Variants in SYNJ2 observed in about 807,000 individuals in gnomAD.
The protein encoded by SYNJ2 is synaptojanin 2.
Under a neutral mutation model 141.3 loss-of-function variants are expected in SYNJ2, and 116 were observed. That is an observed-to-expected ratio of 0.82 (90% CI 0.71 to 0.96). SYNJ2 has a LOEUF of 0.96. SYNJ2 is among the 40% of genes least tolerant of loss of function. The pLI is 0.00. For synonymous variants in SYNJ2, 745 were observed against 777.7 expected (o/e 0.96, Z 0.70); for missense variants, 1,873 against 1,934.8 (o/e 0.97, Z 0.60).
rs748078776 is a variant in SYNJ2, at chr6:158,064,818, C to T, written c.1360-8C>T. The T allele has an allele frequency of 1.9e-6, 3 of 1,608,764 alleles. No individual in the cohort carries two copies. Among genetic ancestry groups the T allele is most frequent in the East Asian group, 2.2e-5 (1 of 44,734 alleles). On this transcript the variant is annotated splice_polypyrimidine_tract_variant and splice_region_variant and intron_variant, in intron 10 of 26. Transcript: ENST00000355585. ...CCCCTCACGGCCTGCGGTCTGGGCT[C>T]TCGGCAGGTGGGGAAGCTGAAGGAT...
intron 1 of SYNJ2, among the ~76,000 whole-genome samples, chr6:157,997,313 T>C (rs778063320): frequency 6.6e-6 from 1 of 152,110 alleles, no homozygotes; most frequent in African/African-American, 2.4e-5. Context: ...GCAGATGCAA[T>C]GAAGATGTAA....
chr6:158,057,494 C>T (rs1002165699), intron 6 of SYNJ2, among the ~76,000 whole-genome samples: 4 of 152,224 alleles, frequency 2.6e-5, no homozygotes, highest in African/African-American at 9.6e-5. Context: ...GTCCTCCTCG[C>T]CATTCTCCGC....
chr6:158,064,601 G>C lies in SYNJ2; in HGVS notation c.1210G>C (p.Val404Leu). 6.2e-7 allele frequency: 1 copy of C among 1,613,622 alleles called. No individual in the cohort carries two copies. Among genetic ancestry groups the C allele is most frequent in the African/African-American group, 1.3e-5 (1 of 75,048 alleles). Residue 404 changes from valine to leucine, a missense_variant and splice_region_variant, in exon 10 of 27, where the codon GTC becomes CTC. Coordinates refer to ENST00000355585, the MANE Select transcript of SYNJ2 (RefSeq NM_003898.4). Reference sequence around the variant, plus strand: ...ACAGCCATCCCTTATTCCTCCCCAGGTCCTGCATCTGCAGCTCAAGACCCT... The same window carrying C: ...ACAGCCATCCCTTATTCCTCCCCAGCTCCTGCATCTGCAGCTCAAGACCCT... ...NTVQSFIALEVLHLQLKTLGL... is the reference protein window; with the variant it reads ...NTVQSFIALELLHLQLKTLGL...
chr6:158,092,996 A>G lies in SYNJ2; in HGVS notation c.3636A>G (p.Thr1212=). ...AAGCATCCTCTGAACCAGAGCCCAC[A>G]CCGGGGGCAGCCAAACCAGAGACCC... ...DLEASSEPEP[T]PGAAKPETPQ... Residue 1212 remains threonine, a synonymous_variant, in exon 26 of 27, where the codon ACA becomes ACG. Coordinates refer to ENST00000355585, the MANE Select transcript of SYNJ2 (RefSeq NM_003898.4). 1.2e-6 allele frequency: 2 copies of G among 1,613,266 alleles called. No individual in the cohort carries two copies. Among genetic ancestry groups the G allele is most frequent in the African/African-American group, 1.3e-5 (1 of 74,890 alleles).
chr6:158,001,337 C>G (rs931742769), intron 1 of SYNJ2: 15 of 152,010 alleles, frequency 9.9e-5, no homozygotes, highest in African/African-American at 3.4e-4. Flanking sequence ...CCCCCTCACA[C>G]CTGATGATTT....
At chr6:158,090,888 T>C (rs1469306101) in intron 25 of SYNJ2, among the ~76,000 whole-genome samples, 3 of 152,128 alleles carry the variant, frequency 2.0e-5, no homozygotes, top group Non-Finnish European at 4.4e-5. Flanking sequence ...CATTGCTTAA[T>C]TTGCTTTTAG....
intron 5 of SYNJ2, among the ~76,000 whole-genome samples, chr6:158,049,994 G>A (rs1189903614): frequency 2.0e-5 from 3 of 151,606 alleles, no homozygotes; most frequent in Non-Finnish European, 2.9e-5. Context: ...GTGTGCACCC[G>A]GCTCTGCAGG....
At chr6:158,052,796 A>G (rs1780642051) in intron 5 of SYNJ2, among the ~76,000 whole-genome samples, 1 of 152,046 alleles carries the variant, frequency 6.6e-6, no homozygotes, top group Admixed American at 6.5e-5. Context: ...GTGTCTCTTT[A>G]CTTAAGTGCA....
intron 1 of SYNJ2, among the ~76,000 whole-genome samples, chr6:158,004,554 G>A (rs1205064046): frequency 6.6e-6 from 1 of 152,150 alleles, no homozygotes; most frequent in Non-Finnish European, 1.5e-5. Flanking sequence ...TCCCAGAAAT[G>A]AATAATCCAC....
At chr6:158,082,261 G>T (rs1782740280) in intron 20 of SYNJ2, among the ~76,000 whole-genome samples, 1 of 151,778 alleles carries the variant, frequency 6.6e-6, no homozygotes, top group African/African-American at 2.4e-5. Flanking sequence ...GGCTGAGGCG[G>T]GCAAATCATG....
At chr6:158,072,065 C>T (rs930665050) in intron 15 of SYNJ2, among the ~76,000 whole-genome samples, 8 of 152,326 alleles carry the variant, frequency 5.3e-5, no homozygotes, top group East Asian at 1.9e-4. Flanking sequence ...TGTATGTGTG[C>T]ATTTTCTGAT....
At chr6:158,058,111 G>A (rs566919904) in intron 6 of SYNJ2, among the ~76,000 whole-genome samples, 17 of 152,032 alleles carry the variant, frequency 1.1e-4, no homozygotes, top group East Asian at 3.9e-4. Flanking sequence ...AAAAAATTCC[G>A]CTCATAAACG....
At chr6:158,056,653 G>A (rs146215659) in intron 6 of SYNJ2, among the ~76,000 whole-genome samples, 1 of 152,284 alleles carries the variant, frequency 6.6e-6, no homozygotes, top group East Asian at 1.9e-4. Context: ...CCAGGTCCTC[G>A]ATGGTGTCCC....
intron 22 of SYNJ2, among the ~76,000 whole-genome samples, chr6:158,085,058 C>G (rs962512095): frequency 2.1e-4 from 32 of 149,680 alleles, no homozygotes; most frequent in Admixed American, 1.6e-3. Context: ...GTCTCACTGT[C>G]TCCCAGGCTG....
chr6:158,086,653 A>G (rs1005014082), intron 22 of SYNJ2, among the ~76,000 whole-genome samples: 1 of 152,166 alleles, frequency 6.6e-6, no homozygotes, highest in Non-Finnish European at 1.5e-5. Flanking sequence ...TCCATGGTTC[A>G]CTGAATGTTC....
At chr6:158,029,127 C>A in intron 3 of SYNJ2, 101 bp downstream of exon 3, 2 of 1,481,480 alleles carry the variant, frequency 1.3e-6, no homozygotes, top group East Asian at 2.3e-5. Flanking sequence ...GCACCACCCC[C>A]GGGTTATGGG....
intron 2 of SYNJ2, among the ~76,000 whole-genome samples, chr6:158,024,923 GA>G (rs1302032310): frequency 1.3e-5 from 2 of 152,172 alleles, no homozygotes; most frequent in East Asian, 3.8e-4. Context: ...TCAATATTTA[GA>G]ATACACTGCA....
At chr6:158,056,286 C>T (rs952329092) in intron 6 of SYNJ2, among the ~76,000 whole-genome samples, 1 of 152,196 alleles carries the variant, frequency 6.6e-6, no homozygotes, top group African/African-American at 2.4e-5. Context: ...GCACGTACCA[C>T]AGAGAATGAG....
chr6:158,009,630 A>T (rs1778192533), intron 1 of SYNJ2, among the ~76,000 whole-genome samples: 1 of 152,238 alleles, frequency 6.6e-6, no homozygotes, highest in South Asian at 2.1e-4. Context: ...ACTTACAGGA[A>T]ATGCAACTAA....
Sources: allele counts gnomAD v4.1 joint callset (sites outside exome capture counted in the v4.1 genomes callset), GRCh38; gene constraint gnomAD v4.1.1; transcripts MANE v1.5; gene names NCBI Gene and HGNC (gene_info 2026-07-23, HGNC 2026-07-21).